Variants in SIPA1L3 observed in about 807,000 individuals in gnomAD.
SIPA1L3 encodes signal induced proliferation associated 1 like 3.
In SIPA1L3, 59 loss-of-function variants were observed where a neutral mutation model predicts 150.1. That is an observed-to-expected ratio of 0.39 (90% confidence interval 0.32 to 0.49). The LOEUF is 0.49. Ranked by LOEUF, SIPA1L3 falls within the 20% of genes least tolerant of loss-of-function variation. The pLI is 0.86. For synonymous variants in SIPA1L3, 1,070 were observed against 1,077.6 expected (o/e 0.99, Z 0.14); for missense variants, 2,211 against 2,489.5 (o/e 0.89, Z 2.38).
intron 1 of SIPA1L3, among the ~76,000 whole-genome samples, chr19:37,929,301 G>T (rs945842592): frequency 1.3e-5 from 2 of 152,234 alleles, no homozygotes; most frequent in Non-Finnish European, 2.9e-5. Flanking sequence ...GACTGGGAAA[G>T]GGGGAGGGAT....
At chr19:38,093,543 C>T (rs1451302473) in intron 4 of SIPA1L3, among the ~76,000 whole-genome samples, 1 of 152,264 alleles carries the variant, frequency 6.6e-6, no homozygotes, top group Non-Finnish European at 1.5e-5. Flanking sequence ...CTGTTGCAGC[C>T]GATGTTCCTT....
intron 1 of SIPA1L3, among the ~76,000 whole-genome samples, chr19:37,947,130 A>G (rs899069238): frequency 1.3e-5 from 2 of 151,128 alleles, no homozygotes; most frequent in Admixed American, 1.3e-4. Flanking sequence ...GGAGTTCAAG[A>G]TTATAGTGAG....
chr19:38,180,884 T>A (rs1339298366), intron 15 of SIPA1L3, among the ~76,000 whole-genome samples: 2 of 152,190 alleles, frequency 1.3e-5, no homozygotes, highest in Non-Finnish European at 2.9e-5. Flanking sequence ...TGTGAATCTC[T>A]TTGTATTTTT....
chr19:38,146,155 C>T (rs892231532), intron 12 of SIPA1L3, among the ~76,000 whole-genome samples: 1 of 152,224 alleles, frequency 6.6e-6, no homozygotes, highest in Admixed American at 6.5e-5. Flanking sequence ...TGAGCCACCA[C>T]ACCCAACCTG....
At chr19:38,169,422 GCCTTTAGTGTCAGCCCACCTGCATTCAAT>G (rs1425984195) in intron 15 of SIPA1L3, among the ~76,000 whole-genome samples, 1 of 151,966 alleles carries the variant, frequency 6.6e-6, no homozygotes, top group Non-Finnish European at 1.5e-5. Context: ...TAAGAGTGTG[GCCTTTAGTGTCAGCCCACCTGCATTCAAT>G]CCCTCCCTCA....
At chr19:38,030,623 A>AATATATATATATATATATAT (rs757828313) in intron 2 of SIPA1L3, among the ~76,000 whole-genome samples, 20 of 42,612 alleles carry the variant, frequency 4.7e-4, no homozygotes, top group East Asian at 1.2e-3. Context: ...ATATGTGGCA[A>AATATATATATATATATATAT]ATATATATAT....
At chr19:38,111,946 CACAT>C (rs958228016) in intron 8 of SIPA1L3, among the ~76,000 whole-genome samples, 16 of 151,054 alleles carry the variant, frequency 1.1e-4, no homozygotes, top group African/African-American at 3.4e-4. Context: ...CACATGCACA[CACAT>C]ACATGCACAC....
At chr19:38,033,727 G>C (rs1028860309) in intron 2 of SIPA1L3, among the ~76,000 whole-genome samples, 4 of 151,978 alleles carry the variant, frequency 2.6e-5, no homozygotes, top group African/African-American at 9.7e-5. Flanking sequence ...GTACAGATGG[G>C]GAGTAGATAC....
At chr19:38,116,364 C>T (rs1970879721) in intron 8 of SIPA1L3, among the ~76,000 whole-genome samples, 3 of 150,948 alleles carry the variant, frequency 2.0e-5, no homozygotes, top group Admixed American at 2.0e-4. Flanking sequence ...AAAAATTAGC[C>T]AGGCGTGGTG....
intron 2 of SIPA1L3, among the ~76,000 whole-genome samples, chr19:38,030,549 A>AATACAT (rs1555778693): frequency 6.7e-6 from 1 of 149,882 alleles, no homozygotes; most frequent in Non-Finnish European, 1.5e-5. Flanking sequence ...TAAATAAATA[A>AATACAT]ATACATACAT....
intron 2 of SIPA1L3, among the ~76,000 whole-genome samples, chr19:38,065,666 C>T (rs899433018): frequency 6.6e-6 from 1 of 151,954 alleles, no homozygotes; most frequent in African/African-American, 2.4e-5. Context: ...AGGTGATCCA[C>T]CCGCCTTGGC....
At chr19:38,152,032 C>T (rs1311037614) in intron 12 of SIPA1L3, among the ~76,000 whole-genome samples, 1 of 151,786 alleles carries the variant, frequency 6.6e-6, no homozygotes, top group Admixed American at 6.6e-5. Flanking sequence ...CTTCTACCAC[C>T]ACCTCCCTTA....
At chr19:37,979,864 C>T (rs7259601) in intron 1 of SIPA1L3, among the ~76,000 whole-genome samples, 3,138 of 152,328 alleles carry the variant, frequency 0.021, 118 homozygotes, top group African/African-American at 0.069. Context: ...AGCTGCAAGC[C>T]GTGGGCATGC....
Position 38,082,008 on chromosome 19 carries a change from A to T in SIPA1L3, c.443A>T (p.Asp148Val). 6.2e-7 allele frequency: 1 copy of T among 1,614,122 alleles called. No homozygotes were observed. The highest frequency in any genetic ancestry group is 1.7e-5 in the Admixed American group (1 of 60,030). The change falls in exon 3 of 22, where the codon GAC becomes GTC. Residue 148 changes from aspartate to valine, a missense_variant. By Grantham distance (152) the Asp-to-Val change is radical. Transcript: ENST00000222345. ...FHRLSRRRSKDVEFQDGWPRS... is the reference protein window; with the variant it reads ...FHRLSRRRSKVVEFQDGWPRS... ...CGACTCTCCAGGAGAAGGTCCAAAG[A>T]CGTGGAGTTCCAGGACGGGTGGCCC...
intron 1 of SIPA1L3, among the ~76,000 whole-genome samples, chr19:37,978,219 T>G (rs577040648): frequency 6.6e-6 from 1 of 152,312 alleles, no homozygotes; most frequent in African/African-American, 2.4e-5. Flanking sequence ...ATGCAGTCGC[T>G]AATACAAATG....
chr19:38,168,618 C>T (rs1972259215), intron 15 of SIPA1L3, among the ~76,000 whole-genome samples: 1 of 152,042 alleles, frequency 6.6e-6, no homozygotes, highest in African/African-American at 2.4e-5. Context: ...CCTTAGCGAA[C>T]CCGAACAACT....
intron 1 of SIPA1L3, among the ~76,000 whole-genome samples, chr19:38,026,662 T>C (rs1479062659): frequency 6.6e-6 from 1 of 152,234 alleles, no homozygotes. Flanking sequence ...CCTTGGAAGC[T>C]GCTCCGCCTT....
In SIPA1L3 at chr19:38,164,148, C is replaced by T. The variant is rs1042718477; in HGVS notation, c.3781-331C>T. On this transcript the variant is annotated intron_variant, in intron 14 of 21. Coordinates refer to ENST00000222345, the MANE Select transcript of SIPA1L3 (RefSeq NM_015073.3). This position sits in a 1 kb window ranked among gnomAD's most constrained non-coding sequence, Gnocchi z 4.1. Reference sequence around the variant, plus strand: ...TGGCAGGGGCAGCTGAAAGCATGGCCGGCGTCATTGAGATGAGGAAGACGC... The same window carrying T: ...TGGCAGGGGCAGCTGAAAGCATGGCTGGCGTCATTGAGATGAGGAAGACGC... Among the ~76,000 whole-genome samples the T allele has an allele frequency of 2.0e-5, 3 of 152,120 alleles. No individual in the cohort carries two copies. The highest frequency in any genetic ancestry group is 2.9e-5 in the Non-Finnish European group (2 of 68,020).
At chr19:38,158,599 A>G (rs1353060263) in intron 13 of SIPA1L3, among the ~76,000 whole-genome samples, 3 of 152,208 alleles carry the variant, frequency 2.0e-5, no homozygotes, top group African/African-American at 7.2e-5. Context: ...GATTACTGTC[A>G]GGTGGGGTGG....
Sources: gnomAD v4.1 joint callset for allele counts (sites outside exome capture counted in the v4.1 genomes callset) on GRCh38, gnomAD v4.1.1 for gene constraint, Gnocchi (gnomAD v3.1) non-coding constraint, MANE v1.5 for transcripts, NCBI Gene and HGNC (gene_info 2026-07-23, HGNC 2026-07-21) for gene names.